NAE1: variants seen among roughly 807,000 people sequenced by gnomAD.
NAE1 encodes NEDD8 activating enzyme E1 subunit 1.
Under a neutral mutation model 88.0 loss-of-function variants are expected in NAE1, and 59 were observed. That is an observed-to-expected ratio of 0.67 (90% CI 0.54 to 0.83). The LOEUF (loss-of-function observed/expected upper bound fraction) is 0.83. Among genes scored for constraint, NAE1 ranks in the 40% least tolerant of loss-of-function variants. NAE1 has a pLI of 0.00. For synonymous variants in NAE1, 186 were observed against 208.9 expected (o/e 0.89, Z 0.95); for missense variants, 554 against 632.8 (o/e 0.88, Z 1.34).
chr16:66,822,932 T>C (rs1960327276), intron 6 of NAE1, among the ~76,000 whole-genome samples: 1 of 147,862 alleles, frequency 6.8e-6, no homozygotes, highest in Admixed American at 6.7e-5. Flanking sequence ...CCTCCCAAAG[T>C]GCTGGGATTA....
Position 66,808,515 on chromosome 16 carries a change from T to C in NAE1, c.1330+6A>G. The C allele has an allele frequency of 6.6e-7, 1 of 1,522,186 alleles. No individual in the cohort carries two copies. Among genetic ancestry groups the C allele is most frequent in the South Asian group, 1.2e-5 (1 of 86,154 alleles). 94.3% of individuals were successfully genotyped at this position (1,522,186 alleles called of 1,614,324 possible). A position where few individuals can be genotyped will look rare whatever the true frequency, so the allele number is the denominator to read the frequency against. On this transcript the variant is annotated splice_donor_region_variant and intron_variant, in intron 17 of 19. Coordinates refer to ENST00000290810, the MANE Select transcript of NAE1 (RefSeq NM_003905.4). ...TTATATCTGGTAATTCAATTGCTAT[T>C]CTTACCTGGATATCTACCCTGTTGT... is the stretch of plus-strand genomic sequence containing the variant.
chr16:66,806,273 C>A, intron 17 of NAE1: 1 of 333,618 alleles, frequency 3.0e-6, no homozygotes, highest in Non-Finnish European at 5.4e-6. Flanking sequence ...TCTAGAAAAG[C>A]ATCTGGCACA....
intron 7 of NAE1, among the ~76,000 whole-genome samples, chr16:66,821,038 C>A (rs1960237201): frequency 6.6e-6 from 1 of 152,138 alleles, no homozygotes; most frequent in Non-Finnish European, 1.5e-5. Context: ...CATTGTACTC[C>A]AGCCTGGGCA....
At position 66,830,867 on chromosome 16, in the gene NAE1, C is replaced by A. The variant is rs759592359; in HGVS notation, c.33G>T (p.Gln11His). 2.0e-6 allele frequency: 3 copies of A among 1,534,228 alleles called. No individual in the cohort carries two copies. The highest frequency in any genetic ancestry group is 2.6e-5 in the East Asian group (1 of 38,060). Residue 11 changes from glutamine to histidine, a missense_variant, in exon 1 of 20, where the codon CAG (glutamine) becomes CAT (histidine). Coordinates refer to ENST00000290810, the MANE Select transcript of NAE1 (RefSeq NM_003905.4). ...CTCACCTCAGCTGCCGGTCGTACTT[C>A]TGCTCCTTGAGCAGCTTTCCCAGCT... MAQLGKLLKE[Q>H]KYDRQLRLWG...
At position 66,808,553 on chromosome 16, in the gene NAE1, T is replaced by C. The variant is rs929477022; in HGVS notation, c.1298A>G (p.Asp433Gly). 3.1e-6 allele frequency: 5 copies of C among 1,605,050 alleles called. No homozygotes were observed. The highest frequency in any genetic ancestry group is 1.7e-5 in the Admixed American group (1 of 59,054). Reference sequence around the variant, plus strand: ...TCTACCCTGTTGTTTATGAAATCTATCAACAGCCCGTAACATTAAGTACAA... The same window carrying C: ...TCTACCCTGTTGTTTATGAAATCTACCAACAGCCCGTAACATTAAGTACAA... ...IVLYLMLRAVDRFHKQQGRYP... is the reference protein window; with the variant it reads ...IVLYLMLRAVGRFHKQQGRYP... Residue 433 changes from aspartate to glycine, a missense_variant, in exon 17 of 20, where the codon GAT (aspartate) becomes GGT (glycine). By Grantham distance (94) the Asp-to-Gly change is moderately conservative (BLOSUM62 -1). Transcript: ENST00000290810.
intron 19 of NAE1, among the ~76,000 whole-genome samples, chr16:66,804,424 G>A (rs564485949): frequency 4.6e-5 from 7 of 152,216 alleles, no homozygotes; most frequent in African/African-American, 1.7e-4. Context: ...AGACTACTTG[G>A]TTTTAGTTTA....
At chr16:66,825,813 G>A (rs1960442975) in intron 3 of NAE1, among the ~76,000 whole-genome samples, 1 of 152,056 alleles carries the variant, frequency 6.6e-6, no homozygotes, top group South Asian at 2.1e-4. Context: ...GGCTCCATAA[G>A]AAGAAACCTT....
intron 13 of NAE1, 23 bp downstream of exon 13, chr16:66,813,541 A>G (rs373035946): frequency 5.7e-6 from 9 of 1,585,752 alleles, no homozygotes; most frequent in Non-Finnish European, 7.7e-6. Context: ...TTTCTATTAC[A>G]TAGTTTGAAA....
At chr16:66,810,958 G>A (rs1959773075) in intron 13 of NAE1, among the ~76,000 whole-genome samples, 186 bp from the exon 14 acceptor site, 1 of 152,122 alleles carries the variant, frequency 6.6e-6, no homozygotes, top group Non-Finnish European at 1.5e-5. Flanking sequence ...TCCAGTGTTA[G>A]TGACGGACTC....
chr16:66,818,412 G>A (rs1183945063), intron 8 of NAE1, 116 bp downstream of exon 8: 1 of 732,874 alleles, frequency 1.4e-6, no homozygotes, highest in African/African-American at 1.8e-5. Context: ...GGGTAATCGG[G>A]ATGACAGGAA....
At chr16:66,818,463 A>G in intron 8 of NAE1, 65 bp downstream of exon 8, 1 of 1,287,498 alleles carries the variant, frequency 7.8e-7, no homozygotes, top group South Asian at 1.5e-5. Flanking sequence ...GTGTAATTCA[A>G]AAACCTTAGG....
chr16:66,808,500 T>A, intron 17 of NAE1, 21 bp downstream of exon 17: 1 of 1,400,414 alleles, frequency 7.1e-7, no homozygotes, highest in Non-Finnish European at 1.0e-6. Flanking sequence ...TTATATCTGG[T>A]AATTCAATTG....
At chr16:66,817,085 G>C (rs765840303) in intron 9 of NAE1, 57 bp from the exon 10 acceptor site, 51 of 1,543,796 alleles carry the variant, frequency 3.3e-5, no homozygotes, top group Non-Finnish European at 4.0e-5. Context: ...TACAGAAATT[G>C]AAAGTCTAAA....
intron 17 of NAE1, 50 bp from the exon 18 acceptor site, chr16:66,806,076 T>C (rs1437916698): frequency 2.0e-6 from 3 of 1,532,774 alleles, no homozygotes; most frequent in South Asian, 1.2e-5. Flanking sequence ...TCAAAATTAA[T>C]GGCCAACTCC....
Position 66,805,873 on chromosome 16 carries a change from G to C in NAE1, c.1445+39C>G, listed in dbSNP as rs201615966. ...TGAATTTTGATTAGCCTTATGACAG[G>C]TGTGGAATCATCTCCTAGATACCCT... On this transcript the variant is annotated intron_variant, in intron 18 of 19. Coordinates refer to ENST00000290810, the MANE Select transcript of NAE1 (RefSeq NM_003905.4). 6 of 1,594,134 alleles carry C rather than the reference G, an allele frequency of 3.8e-6. No individual in the cohort carries two copies. In the East Asian group the frequency reaches 1.1e-4, roughly 30 times the overall value.
Position 66,810,383 on chromosome 16 carries a change from TTAATTC to T in NAE1, c.1135_1140del (p.Glu379_Leu380del). 1 of 1,599,404 alleles carries T rather than the reference TTAATTC, an allele frequency of 6.3e-7. No homozygotes were observed. The highest frequency in any genetic ancestry group is 8.6e-7 in the Non-Finnish European group (1 of 1,168,270). ...ATTCAAGGGGACTTACAGAGTAATTTTAATTCTTTCTCTGAAATGGACTCTGGTGCC... is the reference window on the plus strand; with the variant it reads ...ATTCAAGGGGACTTACAGAGTAATTTTTTCTCTGAAATGGACTCTGGTGCC... On this transcript the variant is annotated inframe_deletion, in exon 15 of 20. Transcript: ENST00000290810.
At chr16:66,803,177 C>T in intron 19 of NAE1, 59 bp from the exon 20 acceptor site, 1 of 1,156,456 alleles carries the variant, frequency 8.6e-7, no homozygotes, top group Non-Finnish European at 1.3e-6. Flanking sequence ...GAGTTACATA[C>T]TCAATTCTGT....
rs773767225 is a variant in NAE1 at position 66,808,542 on chromosome 16, T to C, written c.1309A>G (p.Lys437Glu). ...LMLRAVDRFH[K>E]QQGRYPGVSN... ...TTACCTGGATATCTACCCTGTTGTT[T>C]ATGAAATCTATCAACAGCCCGTAAC... Residue 437 changes from lysine (K) to glutamate (E), a missense_variant, in exon 17 of 20, where the codon AAA (lysine) becomes GAA (glutamate). Physicochemically the swap from Lys to Glu is moderately conservative, Grantham distance 56. Coordinates refer to ENST00000290810, the MANE Select transcript of NAE1 (RefSeq NM_003905.4). 1 of 1,591,872 alleles carries C rather than the reference T, an allele frequency of 6.3e-7. No homozygotes were observed.
chr16:66,826,818 T>C, intron 1 of NAE1, 38 bp from the exon 2 acceptor site: 1 of 1,553,586 alleles, frequency 6.4e-7, no homozygotes, highest in South Asian at 1.2e-5. Flanking sequence ...TTTAAAACTT[T>C]CATGAAAATA....
Sources: gnomAD v4.1 joint callset for allele counts (sites outside exome capture counted in the v4.1 genomes callset) on GRCh38, gnomAD v4.1.1 for gene constraint, MANE v1.5 for transcripts, NCBI Gene and HGNC (gene_info 2026-07-23, HGNC 2026-07-21) for gene names.